The following RUFY3 variants were observed in gnomAD, a reference collection of about 807,000 sequenced individuals.
The protein encoded by RUFY3 is RUN and FYVE domain containing 3.
RUFY3 carries 34 observed loss-of-function variants against 84.0 expected under a neutral mutation model. The observed-to-expected ratio is 0.40, with a 90% confidence interval of 0.31 to 0.54. The LOEUF is 0.54. Ranked by LOEUF, RUFY3 falls within the 20% of genes least tolerant of loss-of-function variation. RUFY3 has a pLI of 0.39. For synonymous variants in RUFY3, 242 were observed against 252.9 expected, an observed-to-expected ratio of 0.96 and a Z score of 0.41; for missense variants, 507 against 736.8, an observed-to-expected ratio of 0.69 and a Z score of 3.61.
intron 1 of RUFY3, among the ~76,000 whole-genome samples, chr4:70,735,772 A>C (rs905117959): frequency 6.6e-6 from 1 of 152,072 alleles, no homozygotes; most frequent in Non-Finnish European, 1.5e-5. Flanking sequence ...GGATCACCTG[A>C]GGTCAGGAGT....
chr4:70,807,664 T>C lies in RUFY3; in HGVS notation c.*1005T>C, dbSNP rs1325041369. 8.7e-6 allele frequency among the ~76,000 whole-genome samples: 1 copy of C among 115,008 alleles called. No individual in the cohort carries two copies. The highest frequency in any genetic ancestry group is 1.8e-5 in the Non-Finnish European group (1 of 55,952). The allele number at this position is 115,008 out of a possible 152,430, so 75.4% of individuals were successfully genotyped here. On this transcript the variant is annotated 3_prime_UTR_variant, in exon 18 of 18. Coordinates refer to ENST00000381006, the MANE Select transcript of RUFY3 (RefSeq NM_001037442.4). ...AGCCTCCCAAGTAGCTGGGACTGGC[T>C]TTTTTTTTTTTTTTTTGGCCGGGGA...
At chr4:70,705,573 G>A (rs1740211448) in intron 1 of RUFY3, among the ~76,000 whole-genome samples, 1 of 152,174 alleles carries the variant, frequency 6.6e-6, no homozygotes, top group African/African-American at 2.4e-5. Context: ...TGGGCTGGGC[G>A]CTGGTCTTCG....
In RUFY3 at chr4:70,722,246, T is replaced by C; in HGVS notation, c.-328T>C. On this transcript the variant is annotated 5_prime_UTR_variant, in exon 1 of 18. Transcript: ENST00000381006. ...TCAGCTGTGCGGGATTTAAAGCCTA[T>C]AGCTCAGCTGAAAAAAAAGGTGGGG... 2 of 1,232,380 alleles carry C rather than the reference T, an allele frequency of 1.6e-6. No individual in the cohort carries two copies. Among genetic ancestry groups the C allele is most frequent in the Non-Finnish European group, 2.0e-6 (2 of 988,852 alleles). 76.3% of individuals were successfully genotyped at this position (1,232,380 alleles called of 1,614,324 possible).
intron 2 of RUFY3, 24 bp from the exon 3 acceptor site, chr4:70,763,528 A>C (rs370587742): frequency 6.3e-7 from 1 of 1,583,728 alleles, no homozygotes. Context: ...ATATTAAAAT[A>C]CTGCTTTATT....
chr4:70,782,638 C>T (rs778456050), intron 8 of RUFY3, among the ~76,000 whole-genome samples: 37 of 151,928 alleles, frequency 2.4e-4, no homozygotes, highest in African/African-American at 4.4e-4. Flanking sequence ...CTTGGTCGGG[C>T]GCAGTGGCTC....
chr4:70,756,592 C>A (rs1194327105), intron 1 of RUFY3, among the ~76,000 whole-genome samples: 1 of 152,162 alleles, frequency 6.6e-6, no homozygotes, highest in Admixed American at 6.5e-5. Context: ...CTGTTCCCTT[C>A]ACATCTCTAC....
chr4:70,761,177 G>A (rs553113616), intron 1 of RUFY3, among the ~76,000 whole-genome samples: 11 of 152,276 alleles, frequency 7.2e-5, no homozygotes, highest in Non-Finnish European at 1.2e-4. Context: ...TGGTGTTTGG[G>A]AGGATATACA....
rs1219818331 is a variant in RUFY3, at chr4:70,726,226, A to ATTCT, written c.178+3475_178+3476insTTCT. Reference sequence around the variant, plus strand: ...GCTGGGTGGCTGGAGAATGAACATAAGGCAGTGCCTGGGATGACTCTCCAA... The same window carrying ATTCT: ...GCTGGGTGGCTGGAGAATGAACATAATTCTGGCAGTGCCTGGGATGACTCTCCAA... On this transcript the variant is annotated intron_variant, in intron 1 of 17. Coordinates refer to ENST00000381006, the MANE Select transcript of RUFY3 (RefSeq NM_001037442.4). Among the ~76,000 whole-genome samples the ATTCT allele has an allele frequency of 1.7e-3, 256 of 152,324 alleles. 7 individuals carry two copies. Among genetic ancestry groups the ATTCT allele is most frequent in the Admixed American group, 0.012 (176 of 15,302 alleles).
At chr4:70,784,115 A>G (rs1729379769) in intron 9 of RUFY3, among the ~76,000 whole-genome samples, 1 of 152,158 alleles carries the variant, frequency 6.6e-6, no homozygotes, top group Non-Finnish European at 1.5e-5. Context: ...GCTTGTTTTT[A>G]TCTGTGATCT....
chr4:70,769,174 C>A (rs946269539), intron 5 of RUFY3, among the ~76,000 whole-genome samples: 30 of 152,030 alleles, frequency 2.0e-4, no homozygotes, highest in Admixed American at 3.3e-4. Context: ...TAGTGAGACC[C>A]CGTCTCTACA....
At chr4:70,789,047 C>T (rs1730376924) in intron 11 of RUFY3, 74 bp downstream of exon 11, 10 of 1,539,626 alleles carry the variant, frequency 6.5e-6, no homozygotes, top group Non-Finnish European at 8.8e-6. Flanking sequence ...TCTGATCCTC[C>T]AGAATCACAC....
chr4:70,707,030 C>G (rs1370890671), intron 1 of RUFY3, among the ~76,000 whole-genome samples: 4 of 152,224 alleles, frequency 2.6e-5, no homozygotes, highest in Non-Finnish European at 5.9e-5. Context: ...AACTTTTCAA[C>G]TATTGAACAG....
intron 1 of RUFY3, among the ~76,000 whole-genome samples, chr4:70,738,448 C>G (rs531210935): frequency 6.7e-6 from 1 of 149,378 alleles, no homozygotes. Context: ...CTGCAGCCCC[C>G]GCCTCCCGGG....
chr4:70,723,166 A>G (rs923908835), intron 1 of RUFY3, among the ~76,000 whole-genome samples: 8 of 152,228 alleles, frequency 5.3e-5, no homozygotes, highest in African/African-American at 1.4e-4. Context: ...TGATGAATAC[A>G]GTAGAAACAC....
intron 15 of RUFY3, among the ~76,000 whole-genome samples, chr4:70,801,982 A>G (rs1732288944): frequency 6.6e-6 from 1 of 152,222 alleles, no homozygotes; most frequent in African/African-American, 2.4e-5. Flanking sequence ...GCTTCCTTAT[A>G]TCTGAATTGT....
At chr4:70,718,641 TG>T (rs1405145364), upstream of RUFY3, among the ~76,000 whole-genome samples, 1 of 152,234 alleles carries the variant, frequency 6.6e-6, no homozygotes, top group Non-Finnish European at 1.5e-5. Flanking sequence ...ATCTTACTGA[TG>T]GCTTAACTTT....
chr4:70,788,737 G>A, intron 10 of RUFY3, 69 bp from the exon 11 acceptor site: 1 of 1,527,768 alleles, frequency 6.5e-7, no homozygotes, highest in Admixed American at 1.8e-5. Flanking sequence ...ACTTTTTCCT[G>A]TGAAATATTA....
intron 1 of RUFY3, among the ~76,000 whole-genome samples, chr4:70,749,176 C>T (rs1001808835): frequency 6.6e-6 from 1 of 152,044 alleles, no homozygotes; most frequent in Non-Finnish European, 1.5e-5. Context: ...TATTTACCAC[C>T]TAAATTTCTT....
At chr4:70,707,710 CAAA>C (rs200493720) in intron 1 of RUFY3, among the ~76,000 whole-genome samples, 1 of 137,776 alleles carries the variant, frequency 7.3e-6, no homozygotes, top group Non-Finnish European at 1.6e-5. Flanking sequence ...TTCATATTAG[CAAA>C]AAAAAAAAAA....
Sources: gnomAD v4.1 joint callset for allele counts (sites outside exome capture counted in the v4.1 genomes callset) on GRCh38, gnomAD v4.1.1 for gene constraint, MANE v1.5 for transcripts, NCBI Gene and HGNC (gene_info 2026-07-23, HGNC 2026-07-21) for gene names.